Variants in AGMO observed in about 807,000 individuals in gnomAD.
AGMO encodes the protein alkylglycerol monooxygenase.
A neutral mutation model predicts 60.2 loss-of-function variants in AGMO; 75 were observed. That is an observed-to-expected ratio of 1.25 (90% confidence interval 1.03 to 1.51). AGMO has a LOEUF of 1.51. AGMO is among the 40% of genes most tolerant of loss of function. The probability of loss-of-function intolerance (pLI) is 0.00; values close to 1 mark genes in which losing one functional copy is unlikely to be tolerated. For missense variants in AGMO, 763 were observed against 525.5 expected (o/e 1.45, Z -4.42); for synonymous variants, 261 against 177.1 (o/e 1.47, Z -3.76).
intron 12 of AGMO, among the ~76,000 whole-genome samples, chr7:15,206,229 G>T (rs1303192733): frequency 1.3e-5 from 2 of 151,984 alleles, no homozygotes; most frequent in African/African-American, 4.8e-5. Context: ...GGAAACATCA[G>T]AAATACATTA....
At chr7:15,257,212 T>C (rs1783124251) in intron 12 of AGMO, among the ~76,000 whole-genome samples, 2 of 152,116 alleles carry the variant, frequency 1.3e-5, no homozygotes, top group Non-Finnish European at 2.9e-5. Context: ...ACATAAACCA[T>C]ATAAACAAAT....
At chr7:15,252,561 A>G (rs1782971514) in intron 12 of AGMO, among the ~76,000 whole-genome samples, 1 of 152,182 alleles carries the variant, frequency 6.6e-6, no homozygotes, top group Admixed American at 6.5e-5. Context: ...CTCTAATCCT[A>G]TGAAGAACTG....
chr7:15,171,957 A>T, the AGMO span, among the ~76,000 whole-genome samples: 1 of 152,306 alleles, frequency 6.6e-6, no homozygotes, highest in South Asian at 2.1e-4. Context: ...ACTATAGGCC[A>T]CTTACAAAAC....
intron 12 of AGMO, among the ~76,000 whole-genome samples, chr7:15,289,942 T>C (rs536437972): frequency 3.2e-4 from 26 of 81,766 alleles, no homozygotes; most frequent in South Asian, 4.9e-4. Flanking sequence ...ATTCCAGAAA[T>C]CTTTTTTTTT....
At chr7:15,454,644 T>G (rs1223755275) in intron 3 of AGMO, among the ~76,000 whole-genome samples, 1 of 152,080 alleles carries the variant, frequency 6.6e-6, no homozygotes, top group East Asian at 1.9e-4. Context: ...TAATAAAAAT[T>G]TTCTATTATC....
chr7:15,399,596 G>A (rs911039686), intron 5 of AGMO, among the ~76,000 whole-genome samples: 4 of 152,168 alleles, frequency 2.6e-5, no homozygotes, highest in Non-Finnish European at 4.4e-5. Flanking sequence ...TTTTGTAACA[G>A]TAAGCTCCAT....
At chr7:15,484,555 G>C (rs1205505609) in intron 3 of AGMO, among the ~76,000 whole-genome samples, 3 of 152,086 alleles carry the variant, frequency 2.0e-5, no homozygotes, top group South Asian at 4.1e-4. Context: ...TTGTATATAT[G>C]CCATACTTCA....
chr7:15,458,962 T>C (rs531367461), intron 3 of AGMO, among the ~76,000 whole-genome samples: 1 of 152,286 alleles, frequency 6.6e-6, no homozygotes, highest in African/African-American at 2.4e-5. Context: ...CAAAATTACC[T>C]TTTTTTCAGG....
intron 5 of AGMO, among the ~76,000 whole-genome samples, chr7:15,398,851 T>A (rs902270987): frequency 3.3e-5 from 5 of 152,170 alleles, no homozygotes; most frequent in Non-Finnish European, 7.4e-5. Flanking sequence ...AAACTACTAG[T>A]TTAAGTTTAA....
chr7:15,481,206 G>T (rs1479559385), intron 3 of AGMO, among the ~76,000 whole-genome samples: 1 of 152,072 alleles, frequency 6.6e-6, no homozygotes, highest in African/African-American at 2.4e-5. Context: ...AGCAAGAGCT[G>T]ACATTTTTAA....
chr7:15,174,839 TTTTC>T, the AGMO span, among the ~76,000 whole-genome samples: 13 of 152,022 alleles, frequency 8.6e-5, no homozygotes, highest in Non-Finnish European at 1.6e-4. Context: ...GGAAAGCATA[TTTTC>T]TTTATGTATC....
At chr7:15,307,650 C>A (rs1780655677) in intron 12 of AGMO, among the ~76,000 whole-genome samples, 1 of 151,926 alleles carries the variant, frequency 6.6e-6, no homozygotes, top group Admixed American at 6.6e-5. Flanking sequence ...GTTTCAATTA[C>A]TATCTTCAAA....
chr7:15,141,411 C>T, the AGMO span, among the ~76,000 whole-genome samples: 4 of 152,074 alleles, frequency 2.6e-5, no homozygotes, highest in Non-Finnish European at 5.9e-5. Context: ...GATGAAACCA[C>T]GTCTCTATTA....
the AGMO span, among the ~76,000 whole-genome samples, chr7:15,172,762 G>A: frequency 1.1e-3 from 173 of 152,248 alleles, 4 homozygotes; most frequent in South Asian, 0.031. Flanking sequence ...TAAAGAAGAA[G>A]CTACAGGTGA....
chr7:15,448,776 C>T (rs1781776577), intron 3 of AGMO, among the ~76,000 whole-genome samples: 1 of 152,004 alleles, frequency 6.6e-6, no homozygotes, highest in African/African-American at 2.4e-5. Flanking sequence ...GTGCAGTCAG[C>T]TGTGAGGAGA....
intron 3 of AGMO, among the ~76,000 whole-genome samples, chr7:15,465,435 T>G (rs1397549398): frequency 6.6e-6 from 1 of 150,710 alleles, no homozygotes; most frequent in Admixed American, 6.6e-5. Context: ...AGTTGTGAAT[T>G]TTTTTGAGAC....
chr7:15,528,495 T>C (rs1283919409), intron 3 of AGMO, among the ~76,000 whole-genome samples: 1 of 152,098 alleles, frequency 6.6e-6, no homozygotes, highest in African/African-American at 2.4e-5. Context: ...TAACATCGTT[T>C]ATGAACTTTT....
At chr7:15,535,326 G>C (rs569337950) in intron 3 of AGMO, among the ~76,000 whole-genome samples, 1 of 151,710 alleles carries the variant, frequency 6.6e-6, no homozygotes, top group Non-Finnish European at 1.5e-5. Context: ...TTCTAGGAAT[G>C]GGGGGGCATA....
intron 4 of AGMO, among the ~76,000 whole-genome samples, chr7:15,424,457 CTCT>C (rs1323933942): frequency 6.6e-6 from 1 of 152,140 alleles, no homozygotes. Flanking sequence ...AATTTGCTTC[CTCT>C]TGTTTATCCT....
Sources: allele counts gnomAD v4.1 joint callset (sites outside exome capture counted in the v4.1 genomes callset), GRCh38; gene constraint gnomAD v4.1.1; transcripts MANE v1.5; gene names NCBI Gene and HGNC (gene_info 2026-07-23, HGNC 2026-07-21).